TAFA1: variants seen among roughly 807,000 people sequenced by gnomAD.
TAFA1 encodes the protein chemokine-like protein TAFA-1.
TAFA1 carries 4 observed loss-of-function variants against 18.5 expected under a neutral mutation model. That is an observed-to-expected ratio of 0.22 (90% CI 0.11 to 0.49). TAFA1 has a LOEUF of 0.49. TAFA1 is among the 20% of genes least tolerant of loss of function. The pLI, the probability that TAFA1 is intolerant of heterozygous loss-of-function variation, is 0.98. For missense variants in TAFA1, 147 were observed against 169.0 expected (o/e 0.87, Z 0.72); for synonymous variants, 56 against 55.2 (o/e 1.01, Z -0.06).
chr3:68,047,957 G>T (rs2064411809), intron 2 of TAFA1, among the ~76,000 whole-genome samples: 1 of 152,088 alleles, frequency 6.6e-6, no homozygotes. Context: ...GCTTGTAAGG[G>T]ATGATGCTTA....
At chr3:68,115,731 AC>A (rs2106846638) in intron 2 of TAFA1, among the ~76,000 whole-genome samples, 1 of 152,214 alleles carries the variant, frequency 6.6e-6, no homozygotes, top group East Asian at 1.9e-4. Context: ...AGATGCCTAC[AC>A]CTTATTGGTT....
intron 2 of TAFA1, among the ~76,000 whole-genome samples, chr3:68,160,320 T>C (rs1438749962): frequency 6.6e-6 from 1 of 152,232 alleles, no homozygotes; most frequent in Non-Finnish European, 1.5e-5. Flanking sequence ...CAATGTAATA[T>C]GAAAGAAGCC....
chr3:68,290,018 A>C (rs552707172), intron 2 of TAFA1, among the ~76,000 whole-genome samples: 105 of 152,334 alleles, frequency 6.9e-4, no homozygotes, highest in Non-Finnish European at 9.7e-4. Context: ...TCCATTATAC[A>C]AATATAACCC....
intron 3 of TAFA1, among the ~76,000 whole-genome samples, chr3:68,469,857 A>C (rs1391251223): frequency 6.6e-6 from 1 of 152,170 alleles, no homozygotes; most frequent in Non-Finnish European, 1.5e-5. Context: ...TCTTATCTGC[A>C]AAATGGAGAT....
chr3:68,193,474 C>G (rs2066374111), intron 2 of TAFA1, among the ~76,000 whole-genome samples: 1 of 151,682 alleles, frequency 6.6e-6, no homozygotes, highest in South Asian at 2.1e-4. Context: ...ACAGAAAAGT[C>G]AGATGTCTCC....
chr3:68,024,188 T>C (rs1351521316), intron 2 of TAFA1, among the ~76,000 whole-genome samples: 1 of 152,196 alleles, frequency 6.6e-6, no homozygotes, highest in Non-Finnish European at 1.5e-5. Context: ...TCGTTTCTAG[T>C]AATAAATCAG....
At chr3:68,079,027 G>T (rs1283350943) in intron 2 of TAFA1, among the ~76,000 whole-genome samples, 3 of 152,110 alleles carry the variant, frequency 2.0e-5, no homozygotes, top group African/African-American at 7.2e-5. Context: ...ACTTCTTCCT[G>T]GTTTAGTCTT....
intron 3 of TAFA1, among the ~76,000 whole-genome samples, chr3:68,455,058 T>C (rs547860689): frequency 2.1e-4 from 32 of 152,284 alleles, no homozygotes; most frequent in South Asian, 2.1e-4. Flanking sequence ...TATATGTATA[T>C]TATACACTGT....
At chr3:68,431,928 G>A (rs752859384) in intron 3 of TAFA1, among the ~76,000 whole-genome samples, 1 of 151,968 alleles carries the variant, frequency 6.6e-6, no homozygotes, top group African/African-American at 2.4e-5. Context: ...AATAGATCAA[G>A]TAAGCGTGAG....
At chr3:68,214,813 G>A (rs2066635225) in intron 2 of TAFA1, among the ~76,000 whole-genome samples, 1 of 151,938 alleles carries the variant, frequency 6.6e-6, no homozygotes, top group Admixed American at 6.6e-5. Context: ...ACATTCAAAG[G>A]AGAATTTATT....
chr3:67,999,166 G>A, the TAFA1 span, among the ~76,000 whole-genome samples: 1 of 152,072 alleles, frequency 6.6e-6, no homozygotes, highest in Admixed American at 6.5e-5. Flanking sequence ...ATAGCTACAT[G>A]TCAATAGTGG....
intron 2 of TAFA1, among the ~76,000 whole-genome samples, chr3:68,221,267 AC>A (rs1309062246): frequency 6.6e-6 from 1 of 152,068 alleles, no homozygotes; most frequent in Non-Finnish European, 1.5e-5. Flanking sequence ...GAAAACTGGG[AC>A]CCAATTTTGC....
intron 2 of TAFA1, among the ~76,000 whole-genome samples, chr3:68,196,518 A>C (rs953336914): frequency 6.6e-6 from 1 of 151,778 alleles, no homozygotes. Context: ...AAATTACTAT[A>C]AGGAAAAATA....
chr3:68,162,987 A>AT (rs2065943713), intron 2 of TAFA1, among the ~76,000 whole-genome samples: 1 of 152,218 alleles, frequency 6.6e-6, no homozygotes, highest in Admixed American at 6.5e-5. Flanking sequence ...TGTTAATGAG[A>AT]TTTTTTAAAA....
chr3:68,361,045 T>C (rs2069458141), intron 2 of TAFA1, among the ~76,000 whole-genome samples: 1 of 152,056 alleles, frequency 6.6e-6, no homozygotes, highest in African/African-American at 2.4e-5. Context: ...CTTTAATTAC[T>C]GTCATCTAAA....
At chr3:68,395,009 G>A (rs2070345447) in intron 2 of TAFA1, among the ~76,000 whole-genome samples, 1 of 152,068 alleles carries the variant, frequency 6.6e-6, no homozygotes, top group Non-Finnish European at 1.5e-5. Context: ...GAGTGAACAG[G>A]CAACCTACCG....
intron 2 of TAFA1, among the ~76,000 whole-genome samples, chr3:68,408,538 A>G (rs1023567784): frequency 2.6e-5 from 4 of 152,164 alleles, no homozygotes; most frequent in African/African-American, 7.2e-5. Context: ...ATTAATTTAT[A>G]CATTCTGTCT....
In TAFA1 at chr3:68,205,219, G is replaced by A. The variant is rs117098582; in HGVS notation, c.118+198475G>A. On this transcript the variant is annotated intron_variant, in intron 2 of 4. Coordinates refer to ENST00000478136, the MANE Select transcript of TAFA1 (RefSeq NM_213609.4). ...TAAATTCATTCAATAACAAGGGTTT[G>A]TGCTTTATGAGCTGAAACTCTTAGT... Among the ~76,000 whole-genome samples the A allele has an allele frequency of 4.8e-3, 732 of 151,942 alleles. 25 individuals carry two copies. The East Asian group carries it at 0.089, about 19-fold the overall frequency.
At chr3:68,039,432 C>A (rs1359655336) in intron 2 of TAFA1, among the ~76,000 whole-genome samples, 1 of 152,000 alleles carries the variant, frequency 6.6e-6, no homozygotes, top group East Asian at 1.9e-4. Flanking sequence ...CAGTTTGAGT[C>A]TTTTTAGGTC....
Sources: gnomAD v4.1 joint callset for allele counts (sites outside exome capture counted in the v4.1 genomes callset) on GRCh38, gnomAD v4.1.1 for gene constraint, MANE v1.5 for transcripts, NCBI Gene and HGNC (gene_info 2026-07-23, HGNC 2026-07-21) for gene names.